The following PCDHGB5 variants were observed in gnomAD, a reference collection of about 807,000 sequenced individuals.
PCDHGB5 encodes the protein protocadherin gamma subfamily B, 5, also known as protocadherin gamma-B5.
PCDHGB5 carries 48 observed loss-of-function variants against 62.9 expected under a neutral mutation model. The observed-to-expected ratio is 0.76, with a 90% CI of 0.61 to 0.97. The LOEUF is 0.97. PCDHGB5 is among the 50% of genes least tolerant of loss of function. PCDHGB5 has a pLI of 0.00. For synonymous variants in PCDHGB5, 474 were observed against 511.2 expected (o/e 0.93, Z 0.98); for missense variants, 1,118 against 1,198.6 (o/e 0.93, Z 0.99).
At chr5:141,421,044 C>T (rs556562994) in intron 1 of PCDHGB5, 3 of 548,494 alleles carry the variant, frequency 5.5e-6, no homozygotes, top group African/African-American at 1.9e-5. Context: ...CTCCCTCCCC[C>T]GCCTCTACCA....
intron 2 of PCDHGB5, 62 bp downstream of exon 2, chr5:141,494,927 G>C: frequency 6.2e-7 from 1 of 1,613,516 alleles, no homozygotes; most frequent in Non-Finnish European, 8.5e-7. Context: ...GATGACGTGG[G>C]AGGAGATGGG....
chr5:141,429,760 C>T (rs1036499079), intron 1 of PCDHGB5, among the ~76,000 whole-genome samples: 2 of 152,020 alleles, frequency 1.3e-5, no homozygotes, highest in Non-Finnish European at 2.9e-5. Context: ...AATTTTTTCC[C>T]TATATTTTGA....
intron 1 of PCDHGB5, chr5:141,417,903 A>G (rs2096184376): frequency 1.3e-6 from 2 of 1,590,930 alleles, no homozygotes; most frequent in Non-Finnish European, 8.6e-7. Flanking sequence ...GGCCCGCGGC[A>G]GGTACTATTT....
chr5:141,458,922 G>A (rs747489537), intron 1 of PCDHGB5, among the ~76,000 whole-genome samples: 2 of 151,918 alleles, frequency 1.3e-5, no homozygotes, highest in East Asian at 1.9e-4. Flanking sequence ...TTGTGGAGAC[G>A]GGGTCTCACT....
At position 141,476,193 on chromosome 5, in the gene PCDHGB5, T is replaced by C. The variant is rs1224461188; in HGVS notation, c.2398-18614T>C. On this transcript the variant is annotated intron_variant, in intron 1 of 3. Coordinates refer to ENST00000617380, the MANE Select transcript of PCDHGB5 (RefSeq NM_018925.3). The surrounding 1 kb of genome is among the most constrained non-coding windows in gnomAD (Gnocchi z 7.6). The stretch of plus-strand genomic sequence containing the variant: ...GGAGTTTTGCTTCTGCTTGGTGCCT[T>C]GAACAAGGCTTCCACGGTCATTCAC... The C allele has an allele frequency of 6.2e-7, 1 of 1,613,812 alleles. No homozygotes were observed. Among genetic ancestry groups the C allele is most frequent in the South Asian group, 1.1e-5 (1 of 91,068 alleles).
intron 1 of PCDHGB5, chr5:141,410,847 G>GTA: frequency 1.9e-5 from 3 of 158,244 alleles, no homozygotes; most frequent in East Asian, 1.3e-4. Flanking sequence ...TTTTGTCTTT[G>GTA]TCTTTTTTTT....
At chr5:141,446,020 T>C (rs1226676321) in intron 1 of PCDHGB5, among the ~76,000 whole-genome samples, 1 of 152,180 alleles carries the variant, frequency 6.6e-6, no homozygotes, top group African/African-American at 2.4e-5. Context: ...ACTATGGCAA[T>C]ATTCCTGGTA....
intron 1 of PCDHGB5, among the ~76,000 whole-genome samples, chr5:141,445,948 G>A (rs538607380): frequency 6.6e-6 from 1 of 152,236 alleles, no homozygotes; most frequent in South Asian, 2.1e-4. Flanking sequence ...GCTTACTCTG[G>A]CTGCTATATG....
chr5:141,410,440 G>A, intron 1 of PCDHGB5: 1 of 1,614,036 alleles, frequency 6.2e-7, no homozygotes, highest in Non-Finnish European at 8.5e-7. Context: ...ACAGTGAGGG[G>A]ACTTTGCCTT....
chr5:141,493,908 G>A lies in PCDHGB5; in HGVS notation c.2398-899G>A, dbSNP rs1308946115. ...CTAGGAGTGCTCCATGAGAGTGTGT[G>A]ATGGGATAACACACCCCCTGGAAAG... On this transcript the variant is annotated intron_variant, in intron 1 of 3. Transcript: ENST00000617380. This position sits in a 1 kb window ranked among gnomAD's most constrained non-coding sequence, Gnocchi z 4.3. Among the ~76,000 whole-genome samples the A allele has an allele frequency of 6.6e-6, 1 of 152,208 alleles. No homozygotes were observed. The highest frequency in any genetic ancestry group is 1.5e-5 in the Non-Finnish European group (1 of 68,032).
At position 141,486,257 on chromosome 5, in the gene PCDHGB5, A is replaced by C; in HGVS notation, c.2398-8550A>C. 6.2e-7 allele frequency: 1 copy of C among 1,614,032 alleles called. No individual in the cohort carries two copies. The highest frequency in any genetic ancestry group is 8.5e-7 in the Non-Finnish European group (1 of 1,179,982). On this transcript the variant is annotated intron_variant, in intron 1 of 3. Transcript: ENST00000617380. The surrounding 1 kb of genome is among the most constrained non-coding windows in gnomAD (Gnocchi z 5.0). ...CTCAGAGCTTGGAACCCTCCCCGAG[A>C]GTGCAGAACCTGGCACTGTGGTGGC... is the stretch of plus-strand genomic sequence containing the variant.
intron 1 of PCDHGB5, among the ~76,000 whole-genome samples, chr5:141,488,434 C>T (rs1231743982): frequency 2.6e-5 from 4 of 152,166 alleles, no homozygotes; most frequent in African/African-American, 7.2e-5. Flanking sequence ...TGGCCTCTGA[C>T]CACCCTCCTG....
chr5:141,502,373 C>A (rs2099813965), intron 2 of PCDHGB5, among the ~76,000 whole-genome samples: 1 of 151,806 alleles, frequency 6.6e-6, no homozygotes, highest in African/African-American at 2.4e-5. Context: ...TTAAAGAGTC[C>A]AGGCCAGTTG....
At chr5:141,507,106 A>T (rs1205648425) in intron 3 of PCDHGB5, 1 of 152,118 alleles carries the variant, frequency 6.6e-6, no homozygotes, top group African/African-American at 2.4e-5. Context: ...TACTATAGGG[A>T]CCATGGCTGC....
At chr5:141,414,300 G>T in intron 1 of PCDHGB5, 7 of 1,613,560 alleles carry the variant, frequency 4.3e-6, no homozygotes, top group Non-Finnish European at 5.9e-6. Context: ...TTTTAAATGT[G>T]CATGATTTAG....
intron 1 of PCDHGB5, chr5:141,412,147 G>C (rs1447265509): frequency 6.6e-6 from 1 of 152,176 alleles, no homozygotes; most frequent in East Asian, 1.9e-4. Context: ...GATACAAACT[G>C]CCTAAGAGAA....
chr5:141,509,224 T>G (rs1241668369), intron 3 of PCDHGB5, among the ~76,000 whole-genome samples: 3 of 152,176 alleles, frequency 2.0e-5, no homozygotes, highest in Non-Finnish European at 2.9e-5. Flanking sequence ...AATCCCTGGT[T>G]GATGTCCCAG....
chr5:141,409,567 G>A (rs974585499), intron 1 of PCDHGB5: 1 of 1,613,896 alleles, frequency 6.2e-7, no homozygotes, highest in African/African-American at 1.3e-5. Flanking sequence ...TCGACCAGAC[G>A]TCCTACGTGG....
At chr5:141,417,702 A>G (rs2096149298) in intron 1 of PCDHGB5, 2 of 1,199,336 alleles carry the variant, frequency 1.7e-6, no homozygotes, top group Non-Finnish European at 1.1e-6. Context: ...CAGCTCCCAC[A>G]CAGAGGCTCC....
Sources: allele counts gnomAD v4.1 joint callset (sites outside exome capture counted in the v4.1 genomes callset), GRCh38; gene constraint gnomAD v4.1.1; non-coding constraint Gnocchi (gnomAD v3.1); transcripts MANE v1.5; gene names NCBI Gene and HGNC (gene_info 2026-07-23, HGNC 2026-07-21).